Variants in EDARADD observed in about 807,000 individuals in gnomAD.
The protein encoded by EDARADD is ectodysplasin-A receptor-associated adapter protein.
Under a neutral mutation model 25.6 loss-of-function variants are expected in EDARADD, and 20 were observed. The observed-to-expected ratio is 0.78, with a 90% CI of 0.55 to 1.14. The LOEUF is 1.14. EDARADD is among the 50% of genes most tolerant of loss of function. The pLI is 0.00. For synonymous variants in EDARADD, 86 were observed against 94.4 expected (o/e 0.91, Z 0.52); for missense variants, 225 against 270.1 (o/e 0.83, Z 1.17).
At chr1:236,466,203 A>G (rs1444536044) in intron 4 of EDARADD, among the ~76,000 whole-genome samples, 3 of 152,154 alleles carry the variant, frequency 2.0e-5, no homozygotes, top group East Asian at 1.9e-4. Flanking sequence ...AAAAGAGCCC[A>G]CATACCTGCC....
chr1:236,377,860 AAAAACAAAAACAG>A (rs1326357345), intron 3 of EDARADD, among the ~76,000 whole-genome samples: 2 of 152,144 alleles, frequency 1.3e-5, no homozygotes, highest in Non-Finnish European at 2.9e-5. Context: ...CCATTAAAAA[AAAAACAAAAACAG>A]AAAACAAAAA....
chr1:236,407,742 G>A (rs1237264636), intron 1 of EDARADD, among the ~76,000 whole-genome samples: 3 of 152,170 alleles, frequency 2.0e-5, no homozygotes, highest in Non-Finnish European at 4.4e-5. Flanking sequence ...ATTATTTACT[G>A]AGACAGCTCT....
intron 2 of EDARADD, among the ~76,000 whole-genome samples, chr1:236,410,005 G>A (rs144760184): frequency 3.3e-5 from 5 of 151,882 alleles, no homozygotes; most frequent in African/African-American, 4.8e-5. Flanking sequence ...CCACCCTCCC[G>A]TAACCATTCT....
intron 3 of EDARADD, among the ~76,000 whole-genome samples, chr1:236,360,090 G>A (rs1350443080): frequency 2.6e-5 from 4 of 152,256 alleles, no homozygotes; most frequent in Non-Finnish European, 4.4e-5. Context: ...TGAGGCAGGA[G>A]GATGGCTTGA....
At chr1:236,393,079 C>T (rs1433557842), upstream of EDARADD, among the ~76,000 whole-genome samples, 1 of 152,126 alleles carries the variant, frequency 6.6e-6, no homozygotes, top group Admixed American at 6.5e-5. Context: ...GCCACCATGC[C>T]CAGCCAGTAT....
intron 2 of EDARADD, among the ~76,000 whole-genome samples, 156 bp downstream of exon 2, chr1:236,409,430 GATA>G (rs1338734081): frequency 6.6e-6 from 1 of 152,048 alleles, no homozygotes; most frequent in Non-Finnish European, 1.5e-5. Context: ...TATTCTACGT[GATA>G]ATAATAAACT....
At chr1:236,349,816 G>A (rs1197792005) in intron 2 of EDARADD, among the ~76,000 whole-genome samples, 3 of 152,138 alleles carry the variant, frequency 2.0e-5, no homozygotes, top group African/African-American at 7.2e-5. Flanking sequence ...AAGGGCAGTG[G>A]TGGGGGAGGG....
At chr1:236,459,377 C>CATAG (rs1220633453) in intron 4 of EDARADD, among the ~76,000 whole-genome samples, 1 of 152,042 alleles carries the variant, frequency 6.6e-6, no homozygotes, top group Admixed American at 6.6e-5. Flanking sequence ...TCTTTGAAAC[C>CATAG]ATAGCAAAGG....
chr1:236,449,087 G>A (rs1293296600), intron 4 of EDARADD, among the ~76,000 whole-genome samples: 3 of 152,120 alleles, frequency 2.0e-5, no homozygotes, highest in Non-Finnish European at 4.4e-5. Flanking sequence ...TTAGCTTCTG[G>A]TGGTTTGCTG....
At chr1:236,467,762 C>A (rs944688991) in intron 4 of EDARADD, among the ~76,000 whole-genome samples, 34 of 151,768 alleles carry the variant, frequency 2.2e-4, no homozygotes, top group Non-Finnish European at 4.1e-4. Flanking sequence ...TGCATTGATA[C>A]CCTTTTTTTT....
Position 236,463,752 on chromosome 1 carries a change from G to A in EDARADD, c.220-4479G>A, listed in dbSNP as rs1659104516. On this transcript the variant is annotated intron_variant, in intron 4 of 5. Transcript: ENST00000334232. ...CCCATTCCCCATTTCTGCTTCCTAG[G>A]CCCTGACATGGAGGCTGGGCCAACG... Among the ~76,000 whole-genome samples, 3 of 152,108 alleles carry A rather than the reference G, an allele frequency of 2.0e-5. No individual in the cohort carries two copies. The South Asian group carries it at 6.2e-4, about 32-fold the overall frequency.
intron 3 of EDARADD, among the ~76,000 whole-genome samples, chr1:236,356,864 A>G (rs1666984128): frequency 6.6e-6 from 1 of 152,114 alleles, no homozygotes; most frequent in South Asian, 2.1e-4. Context: ...TGGGCAGATC[A>G]CCTGAGGTCA....
intron 4 of EDARADD, among the ~76,000 whole-genome samples, chr1:236,434,099 G>A (rs755280958): frequency 3.3e-5 from 5 of 152,150 alleles, no homozygotes; most frequent in South Asian, 2.1e-4. Context: ...TCTGAGGGCC[G>A]GAGCCAGAAC....
In EDARADD at chr1:236,349,840, G is replaced by A. The variant is rs571405312; in HGVS notation, c.-141-864G>A. Among the ~76,000 whole-genome samples, 7 of 152,314 alleles carry A rather than the reference G, an allele frequency of 4.6e-5. No individual in the cohort carries two copies. The East Asian group carries it at 7.7e-4, about 17-fold the overall frequency. On this transcript the variant is annotated intron_variant, in intron 2 of 7. Coordinates refer to the EDARADD transcript ENST00000439430. ...GGTGGGGGAGGGTGGTGGCAGGCGC[G>A]GTGGCTCACGCCTGTATTCCCAGCA...
intron 4 of EDARADD, 95 bp from the exon 5 acceptor site, chr1:236,468,136 G>C: frequency 7.9e-7 from 1 of 1,269,030 alleles, no homozygotes; most frequent in Non-Finnish European, 1.2e-6. Flanking sequence ...CCAGCCCCCA[G>C]GGTTTTGGTG....
chr1:236,413,269 A>G (rs78862821), intron 2 of EDARADD, among the ~76,000 whole-genome samples: 2,844 of 152,304 alleles, frequency 0.019, 42 homozygotes, highest in Non-Finnish European at 0.025. Context: ...CTGTAGGACT[A>G]TTCTGTGTGA....
intron 5 of EDARADD, among the ~76,000 whole-genome samples, chr1:236,480,115 A>G: frequency 1.1e-5 from 1 of 88,394 alleles, no homozygotes; most frequent in East Asian, 2.3e-4. Flanking sequence ...ATATATATAT[A>G]TATATATATA....
intron 3 of EDARADD, among the ~76,000 whole-genome samples, chr1:236,355,500 C>CTTTTTTTTTTTTTTTTTT (rs563976436): frequency 2.7e-5 from 2 of 73,142 alleles, no homozygotes; most frequent in Non-Finnish European, 2.4e-5. Flanking sequence ...GCTTCTTCTT[C>CTTTTTTTTTTTTTTTTTT]TTTTTTTTTT....
At chr1:236,436,659 T>C (rs1169932337) in intron 4 of EDARADD, among the ~76,000 whole-genome samples, 1 of 146,082 alleles carries the variant, frequency 6.8e-6, no homozygotes, top group Non-Finnish European at 1.5e-5. Context: ...GAACCTTAAC[T>C]CTTTTTTAGA....
Sources: gnomAD v4.1 joint callset for allele counts (sites outside exome capture counted in the v4.1 genomes callset) on GRCh38, gnomAD v4.1.1 for gene constraint, MANE v1.5 for transcripts, NCBI Gene and HGNC (gene_info 2026-07-23, HGNC 2026-07-21) for gene names.